Variants in CNTN5 observed in about 807,000 individuals in gnomAD.
The protein encoded by CNTN5 is contactin-5.
CNTN5 carries 77 observed loss-of-function variants against 129.1 expected under a neutral mutation model. The observed-to-expected ratio is 0.60, with a 90% CI of 0.50 to 0.72. The LOEUF (loss-of-function observed/expected upper bound fraction) is 0.72, where lower values mean the gene tolerates loss of function less well. Ranked by LOEUF, CNTN5 falls within the 30% of genes least tolerant of loss-of-function variation. CNTN5 has a pLI of 0.00. For missense variants in CNTN5, 1,478 were observed against 1,328.8 expected, an observed-to-expected ratio of 1.11 and a Z score of -1.75; for synonymous variants, 509 against 465.6, an observed-to-expected ratio of 1.09 and a Z score of -1.20.
intron 1 of CNTN5, among the ~76,000 whole-genome samples, chr11:99,075,889 G>A (rs545486642): frequency 6.6e-6 from 1 of 152,138 alleles, no homozygotes; most frequent in African/African-American, 2.4e-5. Context: ...ATACAATTAT[G>A]ACAGACGTTT....
chr11:100,126,690 G>C (rs995176616), intron 13 of CNTN5, among the ~76,000 whole-genome samples: 1 of 152,020 alleles, frequency 6.6e-6, no homozygotes, highest in African/African-American at 2.4e-5. Flanking sequence ...TGTGAGATGG[G>C]TCTCTTGAAG....
intron 14 of CNTN5, among the ~76,000 whole-genome samples, chr11:100,192,514 G>A (rs967960212): frequency 6.6e-6 from 1 of 151,988 alleles, no homozygotes; most frequent in African/African-American, 2.4e-5. Flanking sequence ...TGTTTCATCA[G>A]ACTGCACTGT....
chr11:99,863,187 C>G (rs1948260459), intron 6 of CNTN5, among the ~76,000 whole-genome samples: 1 of 152,094 alleles, frequency 6.6e-6, no homozygotes, highest in Non-Finnish European at 1.5e-5. Flanking sequence ...ACGTGAGTTG[C>G]TCTTTCTTCC....
Position 100,161,995 on chromosome 11 carries a change from AG to A in CNTN5, c.1581-29130del, listed in dbSNP as rs1282675027. Among the ~76,000 whole-genome samples the A allele has an allele frequency of 3.0e-4, 46 of 151,930 alleles. 1 individual carries two copies. The East Asian group carries it at 8.4e-3, about 28-fold the overall frequency. On this transcript the variant is annotated intron_variant, in intron 13 of 24. Transcript: ENST00000524871. ...CTTCTCTAATGGAACTTTAAAATTG[AG>A]AGTGGTTCACTATGCTATGGAGGAG...
chr11:100,289,079 C>T (rs1176155703), intron 18 of CNTN5, among the ~76,000 whole-genome samples: 3 of 152,074 alleles, frequency 2.0e-5, no homozygotes, highest in Admixed American at 2.0e-4. Context: ...AATCTCTGAA[C>T]AGACCAATAA....
chr11:100,214,449 T>G (rs1257430840), intron 15 of CNTN5, among the ~76,000 whole-genome samples: 1 of 152,184 alleles, frequency 6.6e-6, no homozygotes, highest in East Asian at 1.9e-4. Flanking sequence ...TTAAACCAGT[T>G]GGCACCATCA....
At chr11:99,340,151 C>A (rs1232296235) in intron 2 of CNTN5, among the ~76,000 whole-genome samples, 1 of 152,114 alleles carries the variant, frequency 6.6e-6, no homozygotes, top group Non-Finnish European at 1.5e-5. Context: ...CAACTAGAAA[C>A]AAGATTCTTC....
intron 1 of CNTN5, among the ~76,000 whole-genome samples, chr11:99,209,345 G>T (rs1165804304): frequency 6.6e-6 from 1 of 152,154 alleles, no homozygotes; most frequent in African/African-American, 2.4e-5. Flanking sequence ...GCCAGCATCT[G>T]CTTCTGGAGG....
chr11:99,369,979 G>A (rs1047949069), intron 2 of CNTN5, among the ~76,000 whole-genome samples: 4 of 152,152 alleles, frequency 2.6e-5, no homozygotes, highest in African/African-American at 9.6e-5. Flanking sequence ...ATTACATAGT[G>A]TAGATTTTCC....
In CNTN5 at chr11:99,665,478, A is replaced by ATTT. The variant is rs34435537; in HGVS notation, c.55+109232_55+109234dup. 2.0e-3 allele frequency among the ~76,000 whole-genome samples: 130 copies of ATTT among 65,934 alleles called. 2 individuals are homozygous for ATTT. Among genetic ancestry groups the ATTT allele is most frequent in the African/African-American group, 5.5e-3 (108 of 19,666 alleles). The allele number at this position is 65,934 out of a possible 152,430, so 43.3% of individuals were successfully genotyped here. A position where few individuals can be genotyped will look rare whatever the true frequency, so the allele number is the denominator to read the frequency against. On this transcript the variant is annotated intron_variant, in intron 3 of 24. Coordinates refer to ENST00000524871, the MANE Select transcript of CNTN5 (RefSeq NM_014361.4). ...TTATTACGGGAGCATTGAAACTACA[A>ATTT]TTTTTTTTTTTTTTTTTTTTTTTTT...
At chr11:99,817,136 C>T (rs1328801069) in intron 3 of CNTN5, among the ~76,000 whole-genome samples, 1 of 152,136 alleles carries the variant, frequency 6.6e-6, no homozygotes, top group African/African-American at 2.4e-5. Flanking sequence ...ATCGTAGCTC[C>T]TTGAGGGCTA....
chr11:99,498,570 T>C (rs1018323948), intron 2 of CNTN5, among the ~76,000 whole-genome samples: 2 of 152,130 alleles, frequency 1.3e-5, no homozygotes, highest in Non-Finnish European at 2.9e-5. Flanking sequence ...TCCTCCCTAC[T>C]CCCACCCACC....
intron 3 of CNTN5, among the ~76,000 whole-genome samples, chr11:99,656,832 C>T (rs1952385969): frequency 6.6e-6 from 1 of 152,022 alleles, no homozygotes; most frequent in African/African-American, 2.4e-5. Flanking sequence ...GCCTCTCTGA[C>T]TCTGTTCAGG....
At chr11:99,372,455 A>C (rs1167163180) in intron 2 of CNTN5, among the ~76,000 whole-genome samples, 2 of 152,368 alleles carry the variant, frequency 1.3e-5, no homozygotes, top group East Asian at 1.9e-4. Context: ...ATCAAGACAC[A>C]GAGTGTTAAA....
intron 1 of CNTN5, among the ~76,000 whole-genome samples, chr11:99,269,840 G>A (rs1160646657): frequency 6.6e-6 from 1 of 151,838 alleles, no homozygotes; most frequent in Non-Finnish European, 1.5e-5. Context: ...ATAAATTGCA[G>A]AATTTGATTT....
intron 3 of CNTN5, among the ~76,000 whole-genome samples, chr11:99,729,378 GT>G (rs1293679075): frequency 6.6e-6 from 1 of 152,100 alleles, no homozygotes; most frequent in East Asian, 1.9e-4. Flanking sequence ...GGGGTTCGTT[GT>G]ACGGATTATT....
chr11:100,027,491 T>C (rs1941484765), intron 9 of CNTN5, among the ~76,000 whole-genome samples: 1 of 152,204 alleles, frequency 6.6e-6, no homozygotes, highest in South Asian at 2.1e-4. Flanking sequence ...TTAGGAACTA[T>C]TCCTGGCCTG....
At chr11:99,186,697 G>A (rs555847428) in intron 1 of CNTN5, among the ~76,000 whole-genome samples, 2 of 151,992 alleles carry the variant, frequency 1.3e-5, no homozygotes, top group African/African-American at 4.8e-5. Flanking sequence ...ATTGACAATG[G>A]GACAGATTCT....
At chr11:99,353,228 C>T (rs1188299152) in intron 2 of CNTN5, among the ~76,000 whole-genome samples, 1 of 152,174 alleles carries the variant, frequency 6.6e-6, no homozygotes, top group Non-Finnish European at 1.5e-5. Flanking sequence ...GGCATCTTAC[C>T]TGCCTTGACC....
Sources: gnomAD v4.1 joint callset for allele counts (sites outside exome capture counted in the v4.1 genomes callset) on GRCh38, gnomAD v4.1.1 for gene constraint, MANE v1.5 for transcripts, NCBI Gene and HGNC (gene_info 2026-07-23, HGNC 2026-07-21) for gene names.